Variants in PSMD11 observed in about 807,000 individuals in gnomAD.
PSMD11 encodes the protein proteasome 26S subunit, non-ATPase 11.
Under a neutral mutation model 62.3 loss-of-function variants are expected in PSMD11, and 5 were observed. The observed-to-expected ratio is 0.08, with a 90% CI of 0.04 to 0.17. PSMD11 has a LOEUF of 0.17. PSMD11 is among the 10% of genes least tolerant of loss of function. PSMD11 has a pLI of 1.00. For missense variants in PSMD11, 310 were observed against 512.9 expected, an observed-to-expected ratio of 0.60 and a Z score of 3.82; for synonymous variants, 191 against 191.8, an observed-to-expected ratio of 1.00 and a Z score of 0.03.
At chr17:32,447,565 T>C (rs1597828931) in intron 2 of PSMD11, among the ~76,000 whole-genome samples, 1 of 152,332 alleles carries the variant, frequency 6.6e-6, no homozygotes, top group South Asian at 2.1e-4. Flanking sequence ...TAGTTGTAAT[T>C]GAACCATTGA....
At chr17:32,474,597 A>C (rs1908264408) in intron 7 of PSMD11, among the ~76,000 whole-genome samples, 167 bp from the exon 8 acceptor site, 1 of 152,016 alleles carries the variant, frequency 6.6e-6, no homozygotes, top group African/African-American at 2.4e-5. Flanking sequence ...AGTGGAGAAA[A>C]CCTAGCTTTT....
chr17:32,464,487 C>CA (rs753365739), intron 4 of PSMD11, 34 bp from the exon 5 acceptor site: 17 of 1,522,382 alleles, frequency 1.1e-5, no homozygotes, highest in Non-Finnish European at 1.5e-5. Flanking sequence ...GGCTTTTTCC[C>CA]CCCCCTTCAA....
intron 8 of PSMD11, 88 bp downstream of exon 8, chr17:32,474,912 G>A: frequency 8.6e-7 from 1 of 1,160,450 alleles, no homozygotes. Flanking sequence ...GCACTCTTCA[G>A]ATCTTCATAC....
rs1907334444 is a variant in PSMD11 at position 32,446,468 on chromosome 17, C to A, written c.92-477C>A. The stretch of plus-strand genomic sequence containing the variant: ...CACACCCATCAGCTGAGGCTTTGCA[C>A]AGACCTAAAGTTTATTGAAACGCTT... On this transcript the variant is annotated intron_variant, in intron 1 of 13. Transcript: ENST00000261712. Among the ~76,000 whole-genome samples the A allele has an allele frequency of 2.0e-5, 3 of 152,208 alleles. No homozygotes were observed. The South Asian group carries it at 6.2e-4, about 31-fold the overall frequency.
Position 32,479,396 on chromosome 17 carries a change from T to TC in PSMD11, c.1038+22dup. 3.7e-6 allele frequency: 6 copies of TC among 1,612,112 alleles called. No individual in the cohort carries two copies. Among genetic ancestry groups the TC allele is most frequent in the South Asian group, 2.2e-5 (2 of 90,780 alleles). ...GTACAGGTGAGAACCCTCTGGGGACTCCATTTCTGGCCAGGCATTCTCACT... is the reference window on the plus strand; with the variant it reads ...GTACAGGTGAGAACCCTCTGGGGACTCCCATTTCTGGCCAGGCATTCTCACT... On this transcript the variant is annotated intron_variant, in intron 10 of 13. Transcript: ENST00000261712.
intron 1 of PSMD11, among the ~76,000 whole-genome samples, chr17:32,446,724 C>A (rs1367082293): frequency 6.6e-6 from 1 of 150,450 alleles, no homozygotes; most frequent in Non-Finnish European, 1.5e-5. Flanking sequence ...CATTTAAAAT[C>A]AAAGAGAAGA....
intron 8 of PSMD11, 79 bp downstream of exon 8, chr17:32,474,903 C>G: frequency 7.9e-7 from 1 of 1,260,790 alleles, no homozygotes; most frequent in Non-Finnish European, 1.2e-6. Flanking sequence ...ATGAGACCAG[C>G]ACTCTTCAGA....
chr17:32,468,895 A>G (rs1007302378), intron 5 of PSMD11, 104 bp from the exon 6 acceptor site: 4 of 898,358 alleles, frequency 4.5e-6, no homozygotes, highest in Non-Finnish European at 6.1e-6. Flanking sequence ...GAGTTCAGGA[A>G]TTTTTTTTTT....
Position 32,480,877 on chromosome 17 carries a change from A to G in PSMD11, c.*125A>G, listed in dbSNP as rs899450380. The G allele has an allele frequency of 1.7e-5, 7 of 419,984 alleles. No individual in the cohort carries two copies. The highest frequency in any genetic ancestry group is 2.1e-5 in the Non-Finnish European group (5 of 240,116). The allele number at this position is 419,984 out of a possible 1,614,324, so 26.0% of individuals were successfully genotyped here. On this transcript the variant is annotated 3_prime_UTR_variant, in exon 14 of 14. Transcript: ENST00000261712. ...TCGCTCGGAAAGTTTTTAAATCCTC[A>G]TTTGGTGCATCTGTATTCCAGCCAA...
chr17:32,446,824 T>A, intron 1 of PSMD11, 121 bp from the exon 2 acceptor site: 5 of 429,790 alleles, frequency 1.2e-5, no homozygotes, highest in East Asian at 4.2e-5. Context: ...TTTTTTTAAC[T>A]CTAGAATTTG....
intron 4 of PSMD11, 125 bp from the exon 5 acceptor site, chr17:32,464,396 T>C (rs1356797858): frequency 6.2e-6 from 5 of 806,668 alleles, no homozygotes; most frequent in African/African-American, 1.7e-5. Context: ...TCGTCTCTTA[T>C]GCTGAATTTG....
intron 5 of PSMD11, among the ~76,000 whole-genome samples, chr17:32,465,030 G>T (rs1724653232): frequency 6.6e-6 from 1 of 151,156 alleles, no homozygotes; most frequent in South Asian, 2.1e-4. Flanking sequence ...AGCTGGAGTG[G>T]CTAACTGAAG....
intron 6 of PSMD11, among the ~76,000 whole-genome samples, chr17:32,470,269 T>G (rs1352706339): frequency 6.6e-6 from 1 of 151,848 alleles, no homozygotes; most frequent in African/African-American, 2.4e-5. Flanking sequence ...CCTCTCAAAG[T>G]GCTGGGATTA....
chr17:32,469,799 G>T lies in PSMD11; in HGVS notation c.643+606G>T, dbSNP rs774787206. Among the ~76,000 whole-genome samples, 3 of 152,034 alleles carry T rather than the reference G, an allele frequency of 2.0e-5. No homozygotes were observed. The South Asian group carries it at 6.2e-4, about 32-fold the overall frequency. On this transcript the variant is annotated intron_variant, in intron 6 of 13. Coordinates refer to ENST00000261712, the MANE Select transcript of PSMD11 (RefSeq NM_002815.4). ...CTTGTGTTACCTCTCATCTGTAAAA[G>T]ATAATGCCTACTCGACTCATCTGTC...
At chr17:32,473,164 AAAAT>A (rs1297305909) in intron 6 of PSMD11, among the ~76,000 whole-genome samples, 1 of 151,630 alleles carries the variant, frequency 6.6e-6, no homozygotes, top group Non-Finnish European at 1.5e-5. Context: ...CTCAAAAAAA[AAAAT>A]AAAGAGACAA....
chr17:32,470,456 G>A (rs991495528), intron 6 of PSMD11, among the ~76,000 whole-genome samples: 1 of 152,052 alleles, frequency 6.6e-6, no homozygotes, highest in African/African-American at 2.4e-5. Flanking sequence ...GGGATTACAG[G>A]CACCTGCCAT....
chr17:32,448,440 T>C (rs1907392967), intron 2 of PSMD11, among the ~76,000 whole-genome samples: 1 of 152,052 alleles, frequency 6.6e-6, no homozygotes, highest in Non-Finnish European at 1.5e-5. Flanking sequence ...CGATCTCGGC[T>C]CACTGCAACC....
intron 3 of PSMD11, among the ~76,000 whole-genome samples, chr17:32,459,115 C>CATATATATATATATATATATATATAT (rs10595066): frequency 6.3e-5 from 7 of 111,878 alleles, no homozygotes; most frequent in African/African-American, 2.5e-4. Flanking sequence ...AAAAAAAATA[C>CATATATATATATATATATATATATAT]ATATATATAT....
At chr17:32,459,372 C>T (rs778624840) in intron 3 of PSMD11, among the ~76,000 whole-genome samples, 6 of 151,678 alleles carry the variant, frequency 4.0e-5, no homozygotes, top group Non-Finnish European at 5.9e-5. Flanking sequence ...GTACACACCA[C>T]GACGCCTGGC....
Sources: gnomAD v4.1 joint callset for allele counts (sites outside exome capture counted in the v4.1 genomes callset) on GRCh38, gnomAD v4.1.1 for gene constraint, MANE v1.5 for transcripts, NCBI Gene and HGNC (gene_info 2026-07-23, HGNC 2026-07-21) for gene names.